ENOX1: variants seen among roughly 807,000 people sequenced by gnomAD.
ENOX1 encodes the protein ecto-NOX disulfide-thiol exchanger 1.
ENOX1 carries 42 observed loss-of-function variants against 82.5 expected under a neutral mutation model. The observed-to-expected ratio is 0.51, with a 90% CI of 0.40 to 0.66. The LOEUF (loss-of-function observed/expected upper bound fraction) is 0.66, where lower values mean the gene tolerates loss of function less well. Ranked by LOEUF, ENOX1 falls within the 30% of genes least tolerant of loss-of-function variation. ENOX1 has a pLI of 0.00. For missense variants in ENOX1, 608 were observed against 811.6 expected, an observed-to-expected ratio of 0.75 and a Z score of 3.05; for synonymous variants, 271 against 282.2, an observed-to-expected ratio of 0.96 and a Z score of 0.40.
chr13:43,699,479 G>A (rs539546270), intron 1 of ENOX1, among the ~76,000 whole-genome samples: 2 of 152,258 alleles, frequency 1.3e-5, no homozygotes, highest in South Asian at 4.1e-4. Context: ...CAGGCTTTTT[G>A]AATGAGCTGA....
chr13:43,533,576 C>G (rs1488588790), intron 2 of ENOX1, among the ~76,000 whole-genome samples: 1 of 152,074 alleles, frequency 6.6e-6, no homozygotes, highest in East Asian at 1.9e-4. Flanking sequence ...AATGACATGG[C>G]CCAGTTTATA....
intron 12 of ENOX1, among the ~76,000 whole-genome samples, chr13:43,284,970 A>G (rs1566420673): frequency 2.0e-5 from 3 of 152,126 alleles, no homozygotes; most frequent in Middle Eastern, 3.2e-3. Context: ...AAGAAACAGA[A>G]AGTACAAAAA....
intron 2 of ENOX1, among the ~76,000 whole-genome samples, chr13:43,523,178 G>A (rs1008058629): frequency 2.6e-5 from 4 of 152,132 alleles, no homozygotes; most frequent in African/African-American, 9.7e-5. Flanking sequence ...GTGGGCTCAG[G>A]ACTACTTGCA....
chr13:43,552,346 TAAAAAAAAAAA>T (rs11398493), intron 2 of ENOX1, among the ~76,000 whole-genome samples: 1 of 117,616 alleles, frequency 8.5e-6, no homozygotes. Flanking sequence ...GGCTCTTAAC[TAAAAAAAAAAA>T]AAAAAAGAAA....
At chr13:43,529,046 T>C (rs923436693) in intron 2 of ENOX1, among the ~76,000 whole-genome samples, 1 of 152,020 alleles carries the variant, frequency 6.6e-6, no homozygotes, top group Admixed American at 6.6e-5. Context: ...TTAAATATTT[T>C]ACATGTATTA....
rs573183395 is a variant in ENOX1 at position 43,318,800 on chromosome 13, A to G, written c.1261+3584T>C. 2.6e-5 allele frequency among the ~76,000 whole-genome samples: 4 copies of G among 152,366 alleles called. No homozygotes were observed. The South Asian group carries it at 8.3e-4, about 32-fold the overall frequency. On this transcript the variant is annotated intron_variant, in intron 11 of 16. Coordinates refer to ENST00000690772, the MANE Select transcript of ENOX1 (RefSeq NM_001347969.2). The stretch of plus-strand genomic sequence containing the variant: ...ATTGAGTACTTACTAGATGCTCAAC[A>G]CTGTAAGTAAAGTCAGAAGTGCCTT...
At chr13:43,285,270 A>C (rs1431325786) in intron 12 of ENOX1, among the ~76,000 whole-genome samples, 1 of 152,260 alleles carries the variant, frequency 6.6e-6, no homozygotes, top group Non-Finnish European at 1.5e-5. Flanking sequence ...TCTATTGGCC[A>C]GTATTTAAAA....
intron 15 of ENOX1, among the ~76,000 whole-genome samples, chr13:43,227,072 T>C (rs932426542): frequency 2.0e-5 from 3 of 152,220 alleles, no homozygotes; most frequent in Non-Finnish European, 4.4e-5. Context: ...CATAGGTGTA[T>C]GGTTATCAAC....
At chr13:43,528,115 GT>G (rs2153686450) in intron 2 of ENOX1, among the ~76,000 whole-genome samples, 1 of 152,194 alleles carries the variant, frequency 6.6e-6, no homozygotes, top group East Asian at 1.9e-4. Flanking sequence ...GATCATATGA[GT>G]GTGTTTCCTT....
chr13:43,359,798 C>T, intron 7 of ENOX1, 53 bp downstream of exon 7: 1 of 1,525,006 alleles, frequency 6.6e-7, no homozygotes. Context: ...CTCATATTAA[C>T]ATCACAAAAC....
chr13:43,357,797 C>T (rs1268413302), intron 7 of ENOX1, among the ~76,000 whole-genome samples: 3 of 152,272 alleles, frequency 2.0e-5, no homozygotes, highest in South Asian at 2.1e-4. Flanking sequence ...GGCCTTCAAA[C>T]GTGAATGTGG....
At chr13:43,571,876 A>G (rs2080198460) in intron 2 of ENOX1, among the ~76,000 whole-genome samples, 1 of 152,094 alleles carries the variant, frequency 6.6e-6, no homozygotes, top group African/African-American at 2.4e-5. Context: ...GTGTGTATAT[A>G]TCAGACAAGC....
intron 1 of ENOX1, among the ~76,000 whole-genome samples, chr13:43,697,612 G>C (rs1361289034): frequency 2.6e-5 from 4 of 152,196 alleles, no homozygotes; most frequent in African/African-American, 9.6e-5. Flanking sequence ...ACGGGATCAG[G>C]AGATGAAGGA....
intron 11 of ENOX1, among the ~76,000 whole-genome samples, chr13:43,319,499 C>T (rs2047690838): frequency 6.6e-6 from 1 of 152,136 alleles, no homozygotes; most frequent in Non-Finnish European, 1.5e-5. Flanking sequence ...CATATAAGTC[C>T]TTACACAATA....
chr13:43,221,525 G>A (rs111960013), intron 16 of ENOX1, among the ~76,000 whole-genome samples: 3 of 152,236 alleles, frequency 2.0e-5, no homozygotes, highest in Admixed American at 2.0e-4. Context: ...CCCCCAACCC[G>A]GACCCTGTTT....
chr13:43,779,400 C>G (rs959681080), intron 1 of ENOX1, among the ~76,000 whole-genome samples: 2 of 152,130 alleles, frequency 1.3e-5, no homozygotes, highest in African/African-American at 4.8e-5. Flanking sequence ...ACCCAACTCT[C>G]TCATGTCACT....
chr13:43,705,250 C>T (rs373618346), intron 1 of ENOX1, among the ~76,000 whole-genome samples: 3 of 150,876 alleles, frequency 2.0e-5, no homozygotes, highest in East Asian at 3.9e-4. Flanking sequence ...TGCACCACTG[C>T]ACTCCAGCCT....
In ENOX1 at chr13:43,642,903, A is replaced by G. The variant is rs117130143; in HGVS notation, c.-219+24576T>C. On this transcript the variant is annotated intron_variant, in intron 2 of 16. Transcript: ENST00000690772. ...TATACTACAGCTATGTTTGTACTGA[A>G]AGGCATGAAATATTAATATTTGTGT... Among the ~76,000 whole-genome samples the G allele has an allele frequency of 3.0e-4, 46 of 152,336 alleles. 2 individuals carry two copies. The East Asian group carries it at 8.7e-3, about 29-fold the overall frequency.
intron 2 of ENOX1, among the ~76,000 whole-genome samples, chr13:43,533,687 T>C (rs1343864364): frequency 6.6e-6 from 1 of 152,186 alleles, no homozygotes; most frequent in Non-Finnish European, 1.5e-5. Context: ...TTTGAAAGCA[T>C]ACAAATTCTA....
Sources: allele counts gnomAD v4.1 joint callset (sites outside exome capture counted in the v4.1 genomes callset), GRCh38; gene constraint gnomAD v4.1.1; transcripts MANE v1.5; gene names NCBI Gene and HGNC (gene_info 2026-07-23, HGNC 2026-07-21).